The following ACOXL variants were observed in gnomAD, a reference collection of about 807,000 sequenced individuals.
ACOXL encodes the protein acyl-coenzyme A oxidase-like protein.
Under a neutral mutation model 71.9 loss-of-function variants are expected in ACOXL, and 70 were observed. That is an observed-to-expected ratio of 0.97 (90% CI 0.80 to 1.19). ACOXL has a LOEUF of 1.19. ACOXL is among the 50% of genes most tolerant of loss of function. The probability of loss-of-function intolerance (pLI) is 0.00; values close to 1 mark genes in which losing one functional copy is unlikely to be tolerated. For missense variants in ACOXL, 703 were observed against 736.3 expected (o/e 0.95, Z 0.52); for synonymous variants, 253 against 281.6 (o/e 0.90, Z 1.02).
intron 14 of ACOXL, among the ~76,000 whole-genome samples, chr2:111,023,482 C>A (rs569265278): frequency 6.6e-6 from 1 of 152,238 alleles, no homozygotes; most frequent in South Asian, 2.1e-4. Context: ...AGGGAGACAT[C>A]TGTAGCCCGT....
chr2:110,773,561 C>T (rs1362290183), intron 2 of ACOXL, among the ~76,000 whole-genome samples: 1 of 152,212 alleles, frequency 6.6e-6, no homozygotes, highest in Non-Finnish European at 1.5e-5. Flanking sequence ...ACTCCCCCAC[C>T]CATCCCAGGA....
At position 110,784,718 on chromosome 2, in the gene ACOXL, T is replaced by C. The variant is rs1256940427; in HGVS notation, c.76-14T>C. On this transcript the variant is annotated splice_polypyrimidine_tract_variant and intron_variant, in intron 2 of 17. Transcript: ENST00000439055. ...CATAAGGAAACCTTGATACTGAGTC[T>C]ATCATATTTTCAGGCAGAGAAAACA... 6 of 1,591,862 alleles carry C rather than the reference T, an allele frequency of 3.8e-6. No homozygotes were observed. The South Asian group carries it at 6.9e-5, about 18-fold the overall frequency.
At chr2:110,924,053 AT>A (rs1337915771) in intron 11 of ACOXL, among the ~76,000 whole-genome samples, 2 of 152,162 alleles carry the variant, frequency 1.3e-5, no homozygotes, top group African/African-American at 2.4e-5. Context: ...ATGAGTCATA[AT>A]TTTTTTGTTT....
intron 10 of ACOXL, among the ~76,000 whole-genome samples, chr2:110,842,680 G>A (rs1691320425): frequency 6.6e-6 from 1 of 152,162 alleles, no homozygotes; most frequent in Admixed American, 6.5e-5. Context: ...TTCAGATTCT[G>A]TGGTCCTGTG....
intron 11 of ACOXL, among the ~76,000 whole-genome samples, chr2:110,911,382 G>C (rs938049194): frequency 3.3e-5 from 5 of 152,036 alleles, no homozygotes; most frequent in Non-Finnish European, 5.9e-5. Context: ...CATGTGGCCA[G>C]TATTACTCAA....
At chr2:110,838,376 A>C (rs1389173215) in intron 9 of ACOXL, among the ~76,000 whole-genome samples, 1 of 152,136 alleles carries the variant, frequency 6.6e-6, no homozygotes, top group Non-Finnish European at 1.5e-5. Flanking sequence ...GTGCGCACAC[A>C]CAGGCAGTGG....
At chr2:111,046,259 G>T (rs568527061) in intron 15 of ACOXL, among the ~76,000 whole-genome samples, 6 of 152,222 alleles carry the variant, frequency 3.9e-5, no homozygotes, top group Non-Finnish European at 7.3e-5. Context: ...GAGGAAGCGA[G>T]GCTCAGCAAG....
chr2:110,993,952 T>C (rs2063286641), intron 13 of ACOXL, among the ~76,000 whole-genome samples: 1 of 152,210 alleles, frequency 6.6e-6, no homozygotes, highest in African/African-American at 2.4e-5. Flanking sequence ...AAATACACAG[T>C]TACAAGGAGG....
chr2:110,738,463 A>C (rs991197539), intron 1 of ACOXL, among the ~76,000 whole-genome samples: 2 of 152,170 alleles, frequency 1.3e-5, no homozygotes, highest in Non-Finnish European at 2.9e-5. Context: ...AATTGACTGA[A>C]AGTTTTTGTG....
chr2:110,995,184 A>G (rs937967217), intron 13 of ACOXL, among the ~76,000 whole-genome samples: 7 of 152,106 alleles, frequency 4.6e-5, no homozygotes, highest in Admixed American at 2.6e-4. Context: ...TTGAGTTATT[A>G]TTATAAACTC....
chr2:110,986,200 T>G (rs960654388), intron 12 of ACOXL, among the ~76,000 whole-genome samples: 13 of 152,222 alleles, frequency 8.5e-5, no homozygotes, highest in African/African-American at 2.9e-4. Flanking sequence ...AAATGTCATT[T>G]ATGATATATT....
intron 3 of ACOXL, among the ~76,000 whole-genome samples, chr2:110,785,710 A>G (rs1252441015): frequency 2.6e-5 from 4 of 152,164 alleles, no homozygotes; most frequent in Admixed American, 6.5e-5. Context: ...TGCTAATGTG[A>G]AAAGTGCTGC....
chr2:111,020,144 G>A (rs1210941609), intron 14 of ACOXL, among the ~76,000 whole-genome samples: 3 of 152,206 alleles, frequency 2.0e-5, no homozygotes, highest in East Asian at 3.8e-4. Flanking sequence ...GCAGGCATGA[G>A]CCACCGTGCC....
At chr2:110,827,665 G>A (rs1689322864) in intron 9 of ACOXL, among the ~76,000 whole-genome samples, 1 of 152,120 alleles carries the variant, frequency 6.6e-6, no homozygotes, top group African/African-American at 2.4e-5. Flanking sequence ...ACACTTTCAG[G>A]GTGGTATCAG....
chr2:111,080,850 T>C (rs921899238), intron 16 of ACOXL, among the ~76,000 whole-genome samples: 13 of 152,236 alleles, frequency 8.5e-5, no homozygotes, highest in Non-Finnish European at 1.8e-4. Context: ...ATCCCTGGGA[T>C]GCAAGGCTAG....
chr2:111,108,899 G>A (rs1028827861), intron 17 of ACOXL, among the ~76,000 whole-genome samples: 2 of 152,146 alleles, frequency 1.3e-5, no homozygotes, highest in Non-Finnish European at 2.9e-5. Context: ...GATAGATGTA[G>A]GTTTCTTTTG....
At chr2:110,997,115 G>A (rs1465476454) in intron 14 of ACOXL, among the ~76,000 whole-genome samples, 1 of 152,216 alleles carries the variant, frequency 6.6e-6, no homozygotes, top group East Asian at 1.9e-4. Context: ...CAGCTGCGGT[G>A]AAGAGCAGAA....
Position 111,013,253 on chromosome 2 carries a change from G to A in ACOXL, c.1281+17249G>A, listed in dbSNP as rs571329926. On this transcript the variant is annotated intron_variant, in intron 14 of 17. Coordinates refer to ENST00000439055, the MANE Select transcript of ACOXL (RefSeq NM_001142807.4). ...AACAAAAAAAATGGGGGCCAGGTGCGGTGGCTCATGCCTGTAATCCCAGCA... is the reference window on the plus strand; with the variant it reads ...AACAAAAAAAATGGGGGCCAGGTGCAGTGGCTCATGCCTGTAATCCCAGCA... Among the ~76,000 whole-genome samples the A allele has an allele frequency of 2.6e-4, 40 of 152,166 alleles. 1 individual carries two copies. The highest frequency in any genetic ancestry group is 6.3e-4 in the African/African-American group (26 of 41,512).
At chr2:110,746,534 C>G (rs1678234940) in intron 1 of ACOXL, among the ~76,000 whole-genome samples, 1 of 152,092 alleles carries the variant, frequency 6.6e-6, no homozygotes, top group Non-Finnish European at 1.5e-5. Flanking sequence ...AGCATGGGAC[C>G]CGGCTCCTGG....
Sources: gnomAD v4.1 joint callset for allele counts (sites outside exome capture counted in the v4.1 genomes callset) on GRCh38, gnomAD v4.1.1 for gene constraint, MANE v1.5 for transcripts, NCBI Gene and HGNC (gene_info 2026-07-23, HGNC 2026-07-21) for gene names.